Variants in MTMR3 observed in about 807,000 individuals in gnomAD.
MTMR3 encodes myotubularin related protein 3.
MTMR3 carries 32 observed loss-of-function variants against 132.4 expected under a neutral mutation model. The ratio of observed to expected loss-of-function variants is 0.24; its 90% CI spans 0.18 to 0.32. The LOEUF is 0.32. Among genes scored for constraint, MTMR3 ranks in the 10% least tolerant of loss-of-function variants. The pLI is 1.00. For synonymous variants in MTMR3, 556 were observed against 550.3 expected (o/e 1.01, Z -0.14); for missense variants, 1,216 against 1,489.6 (o/e 0.82, Z 3.02).
At chr22:29,961,312 G>A (rs947961425) in intron 2 of MTMR3, among the ~76,000 whole-genome samples, 7 of 151,988 alleles carry the variant, frequency 4.6e-5, no homozygotes, top group Non-Finnish European at 1.0e-4. Flanking sequence ...ATGGAAAAAT[G>A]GAAACAACCT....
intron 15 of MTMR3, 68 bp from the exon 16 acceptor site, chr22:30,017,859 C>A: frequency 1.3e-6 from 2 of 1,593,860 alleles, no homozygotes; most frequent in Admixed American, 1.8e-5. Context: ...TGCTCTTGAT[C>A]CTCATTTCCA....
At chr22:29,958,185 C>A (rs1602565665) in intron 2 of MTMR3, among the ~76,000 whole-genome samples, 1 of 151,856 alleles carries the variant, frequency 6.6e-6, no homozygotes, top group Non-Finnish European at 1.5e-5. Flanking sequence ...TGTCCTTTTT[C>A]AAAAAATGTC....
intron 1 of MTMR3, among the ~76,000 whole-genome samples, chr22:29,897,653 A>G (rs533961332): frequency 6.6e-6 from 1 of 151,928 alleles, no homozygotes; most frequent in South Asian, 2.1e-4. Flanking sequence ...GGGTTTCACT[A>G]TGTTGGCCAG....
intron 1 of MTMR3, among the ~76,000 whole-genome samples, chr22:29,900,544 C>A (rs1157671225): frequency 2.0e-5 from 3 of 152,124 alleles, no homozygotes; most frequent in Non-Finnish European, 2.9e-5. Context: ...GCTTAGTTAA[C>A]TATGCCAGGC....
intron 2 of MTMR3, among the ~76,000 whole-genome samples, chr22:29,959,350 A>G (rs961446167): frequency 1.3e-5 from 2 of 152,202 alleles, no homozygotes. Flanking sequence ...TTAGATCTGT[A>G]GTGAAGGAAA....
chr22:29,952,550 T>A (rs2066104823), intron 1 of MTMR3, among the ~76,000 whole-genome samples: 1 of 152,130 alleles, frequency 6.6e-6, no homozygotes, highest in African/African-American at 2.4e-5. Flanking sequence ...TTGAGCCCTG[T>A]GAGGATATCA....
intron 1 of MTMR3, among the ~76,000 whole-genome samples, chr22:29,952,871 C>A (rs2066110976): frequency 6.6e-6 from 1 of 151,918 alleles, no homozygotes. Context: ...ATGGTCTTAC[C>A]CAACATGCTA....
At chr22:29,894,190 G>T (rs2064850326) in intron 1 of MTMR3, among the ~76,000 whole-genome samples, 1 of 152,114 alleles carries the variant, frequency 6.6e-6, no homozygotes, top group Admixed American at 6.6e-5. Flanking sequence ...GATGTCTTCT[G>T]AAGGTTTATG....
chr22:29,901,822 T>G (rs547396031), intron 1 of MTMR3, among the ~76,000 whole-genome samples: 2 of 152,358 alleles, frequency 1.3e-5, no homozygotes, highest in Non-Finnish European at 2.9e-5. Flanking sequence ...TGTGACTTCT[T>G]GAGACTGACA....
rs138923617 is a variant in MTMR3, at chr22:29,972,550, C to T, written c.3+1488C>T. ...TACAAATTCTCATTTATAACTCTAC[C>T]ACCAGAACCCATGGTTGTATTCCGT... On this transcript the variant is annotated intron_variant, in intron 3 of 19. Transcript: ENST00000401950. 2.0e-5 allele frequency among the ~76,000 whole-genome samples: 3 copies of T among 152,216 alleles called. No homozygotes were observed. In the East Asian group the frequency reaches 5.8e-4, roughly 29 times the overall value.
At position 30,013,570 on chromosome 22, in the gene MTMR3, C is replaced by T. The variant is rs370059528; in HGVS notation, c.1503+29C>T. ...AGTTTCTTCATTTTGGGGACTTTCT[C>T]AATTTGAAGGAGGGTCAGTACAAAT... On this transcript the variant is annotated intron_variant, in intron 14 of 19. Transcript: ENST00000401950. The T allele has an allele frequency of 4.4e-6, 7 of 1,604,036 alleles. No individual in the cohort carries two copies. In the African/African-American group the frequency reaches 8.0e-5, roughly 18 times the overall value.
chr22:29,923,189 G>A (rs977263894), intron 1 of MTMR3, among the ~76,000 whole-genome samples: 2 of 150,712 alleles, frequency 1.3e-5, no homozygotes, highest in Non-Finnish European at 3.0e-5. Flanking sequence ...CTACAGGTGC[G>A]TGTCACCACT....
intron 9 of MTMR3, 66 bp downstream of exon 9, chr22:30,003,059 C>G (rs2067207240): frequency 8.0e-7 from 1 of 1,256,412 alleles, no homozygotes; most frequent in Non-Finnish European, 1.2e-6. Context: ...GGTCTGCTGC[C>G]TCTGCTGCTG....
At chr22:29,929,789 G>T (rs977048345) in intron 1 of MTMR3, among the ~76,000 whole-genome samples, 6 of 152,164 alleles carry the variant, frequency 3.9e-5, no homozygotes, top group African/African-American at 1.4e-4. Context: ...TGGAATTACA[G>T]GCGTGAGCCA....
chr22:29,915,566 C>T (rs1443046837), intron 1 of MTMR3, among the ~76,000 whole-genome samples: 6 of 152,204 alleles, frequency 3.9e-5, no homozygotes, highest in African/African-American at 1.2e-4. Flanking sequence ...GGATTACAGG[C>T]GCCTGCCACC....
At chr22:29,991,804 C>T (rs1601387601) in intron 7 of MTMR3, 134 bp downstream of exon 7, 15 of 891,346 alleles carry the variant, frequency 1.7e-5, no homozygotes, top group Admixed American at 3.5e-5. Context: ...CCAGCAAGTG[C>T]GCAGCATTCT....
Position 30,007,774 on chromosome 22 carries a change from G to A in MTMR3, c.878-127G>A, listed in dbSNP as rs933017373. 5.4e-6 allele frequency: 6 copies of A among 1,120,722 alleles called. No individual in the cohort carries two copies. The African/African-American group carries it at 6.3e-5, about 12-fold the overall frequency. 69.4% of individuals were successfully genotyped at this position (1,120,722 alleles called of 1,614,324 possible). On this transcript the variant is annotated intron_variant, in intron 10 of 19. Transcript: ENST00000401950. The stretch of plus-strand genomic sequence containing the variant: ...AAGAGAAAAATCCTATGTATCAAGG[G>A]TTTTGGTTAGGGGATTTCATTTTAT...
intron 1 of MTMR3, among the ~76,000 whole-genome samples, chr22:29,894,019 G>A (rs2064846504): frequency 6.6e-6 from 1 of 151,874 alleles, no homozygotes; most frequent in Admixed American, 6.6e-5. Flanking sequence ...CTGATTTTTT[G>A]TATTTTTTAG....
Position 29,929,508 on chromosome 22 carries a change from C to G in MTMR3, c.-137-27528C>G, listed in dbSNP as rs144214387. ...TCTGTTTTTCAGGTTTTTTCTCTCT[C>G]ATGGATTTTTATTTTTTCTTAGACA... On this transcript the variant is annotated intron_variant, in intron 1 of 19. Transcript: ENST00000401950. 4.5e-3 allele frequency among the ~76,000 whole-genome samples: 679 copies of G among 151,118 alleles called. 6 individuals carry two copies. The highest frequency in any genetic ancestry group is 0.016 in the African/African-American group (641 of 41,220).
Sources: allele counts gnomAD v4.1 joint callset (sites outside exome capture counted in the v4.1 genomes callset), GRCh38; gene constraint gnomAD v4.1.1; transcripts MANE v1.5; gene names NCBI Gene and HGNC (gene_info 2026-07-23, HGNC 2026-07-21).